Variants in PABPC4L observed in about 807,000 individuals in gnomAD.
PABPC4L encodes polyadenylate-binding protein 4-like.
For missense variants in PABPC4L, 452 were observed against 451.4 expected, an observed-to-expected ratio of 1.00 and a Z score of -0.01; for synonymous variants, 169 against 164.1, an observed-to-expected ratio of 1.03 and a Z score of -0.23.
the PABPC4L span, among the ~76,000 whole-genome samples, chr4:133,955,773 C>T: frequency 6.6e-6 from 1 of 152,114 alleles, no homozygotes; most frequent in Non-Finnish European, 1.5e-5. Context: ...GGGGTTATGC[C>T]TGTATTTTTA....
chr4:134,181,294 G>A, the PABPC4L span, among the ~76,000 whole-genome samples: 1 of 151,976 alleles, frequency 6.6e-6, no homozygotes, highest in Non-Finnish European at 1.5e-5. Context: ...AACAGATGTA[G>A]AAAAGGCTTT....
At chr4:134,065,734 G>A in the PABPC4L span, among the ~76,000 whole-genome samples, 1 of 151,944 alleles carries the variant, frequency 6.6e-6, no homozygotes, top group Admixed American at 6.6e-5. Flanking sequence ...TATCTTCCAG[G>A]GTTTTTATAT....
the PABPC4L span, among the ~76,000 whole-genome samples, chr4:134,039,091 A>G: frequency 3.9e-5 from 6 of 152,152 alleles, no homozygotes; most frequent in African/African-American, 1.4e-4. Context: ...CCCAATAGTC[A>G]GTCAGGAGCA....
the PABPC4L span, among the ~76,000 whole-genome samples, chr4:133,992,337 T>C: frequency 3.9e-5 from 6 of 152,182 alleles, no homozygotes; most frequent in Non-Finnish European, 7.4e-5. Context: ...GAAGGAATGT[T>C]GGAGAAAGTG....
the PABPC4L span, among the ~76,000 whole-genome samples, chr4:134,000,508 G>C: frequency 2.0e-5 from 3 of 151,938 alleles, no homozygotes; most frequent in Non-Finnish European, 4.4e-5. Context: ...CTAAAAAATT[G>C]GTTTTAATCT....
the PABPC4L span, among the ~76,000 whole-genome samples, chr4:134,171,958 A>G: frequency 3.9e-5 from 6 of 152,078 alleles, no homozygotes; most frequent in African/African-American, 1.4e-4. Flanking sequence ...TACACCTAAC[A>G]GGGGCATGAA....
chr4:133,964,359 CA>C, the PABPC4L span, among the ~76,000 whole-genome samples: 1 of 151,466 alleles, frequency 6.6e-6, no homozygotes, highest in African/African-American at 2.4e-5. Context: ...AGTCCAGGAC[CA>C]GATGGATTAA....
the PABPC4L span, among the ~76,000 whole-genome samples, chr4:134,079,578 CAAAAAAAAAAAA>C: frequency 1.1e-5 from 1 of 90,696 alleles, no homozygotes; most frequent in Middle Eastern, 9.8e-3. Flanking sequence ...GACTTCCTCT[CAAAAAAAAAAAA>C]AAAAAAAAAA....
At chr4:134,103,600 T>C in the PABPC4L span, among the ~76,000 whole-genome samples, 6 of 151,724 alleles carry the variant, frequency 4.0e-5, no homozygotes, top group African/African-American at 1.4e-4. Flanking sequence ...AGATCACATC[T>C]TCAAATACTG....
chr4:134,132,576 G>C, the PABPC4L span, among the ~76,000 whole-genome samples: 5 of 151,846 alleles, frequency 3.3e-5, no homozygotes, highest in Non-Finnish European at 2.9e-5. Context: ...TGTTGGACTA[G>C]ATGTGGTAAA....
At chr4:134,020,349 AG>A in the PABPC4L span, among the ~76,000 whole-genome samples, 2 of 152,110 alleles carry the variant, frequency 1.3e-5, no homozygotes, top group African/African-American at 4.8e-5. Flanking sequence ...TTTGTGATGA[AG>A]GATTAATTTT....
At chr4:134,195,722 A>G (rs1265963223), downstream of PABPC4L, among the ~76,000 whole-genome samples, 1 of 151,666 alleles carries the variant, frequency 6.6e-6, no homozygotes, top group African/African-American at 2.4e-5. Flanking sequence ...ACTACAATTT[A>G]GTTCAGAGCA....
chr4:134,056,684 T>A, the PABPC4L span, among the ~76,000 whole-genome samples: 2 of 152,026 alleles, frequency 1.3e-5, no homozygotes, highest in African/African-American at 4.8e-5. Flanking sequence ...AGTATCCACA[T>A]ATTTACTACT....
At chr4:134,051,739 A>G in the PABPC4L span, among the ~76,000 whole-genome samples, 1 of 152,134 alleles carries the variant, frequency 6.6e-6, no homozygotes, top group Non-Finnish European at 1.5e-5. Flanking sequence ...TATGCTTTAG[A>G]GTTTCATAGC....
At chr4:133,997,121 C>T in the PABPC4L span, among the ~76,000 whole-genome samples, 4 of 152,098 alleles carry the variant, frequency 2.6e-5, no homozygotes, top group Admixed American at 1.3e-4. Context: ...TAAGGCCTCT[C>T]TATTACCTGA....
chr4:133,966,841 A>G, the PABPC4L span, among the ~76,000 whole-genome samples: 8 of 152,128 alleles, frequency 5.3e-5, no homozygotes, highest in Admixed American at 1.3e-4. Context: ...TAAAAAATAA[A>G]CTGCAATGAG....
chr4:133,971,858 C>T, the PABPC4L span, among the ~76,000 whole-genome samples: 2 of 152,098 alleles, frequency 1.3e-5, no homozygotes, highest in Non-Finnish European at 1.5e-5. Context: ...TTTTCAATTC[C>T]TCAGGAATGT....
At chr4:134,069,042 C>G in the PABPC4L span, among the ~76,000 whole-genome samples, 1 of 152,106 alleles carries the variant, frequency 6.6e-6, no homozygotes, top group Non-Finnish European at 1.5e-5. Flanking sequence ...GTTCCCTTAG[C>G]ATTTGCTTAT....
chr4:134,119,557 G>A, the PABPC4L span, among the ~76,000 whole-genome samples: 1 of 151,634 alleles, frequency 6.6e-6, no homozygotes, highest in Non-Finnish European at 1.5e-5. Flanking sequence ...TATTATGCCA[G>A]TGTATTTTTT....
Sources: allele counts gnomAD v4.1 joint callset (sites outside exome capture counted in the v4.1 genomes callset), GRCh38; gene constraint gnomAD v4.1.1; transcripts MANE v1.5; gene names NCBI Gene and HGNC (gene_info 2026-07-23, HGNC 2026-07-21).